LINGO2: variants seen among roughly 807,000 people sequenced by gnomAD.
LINGO2 encodes leucine-rich repeat and immunoglobulin-like domain-containing nogo receptor-interacting protein 2.
In LINGO2, 14 loss-of-function variants were observed where a neutral mutation model predicts 30.6. The ratio of observed to expected loss-of-function variants is 0.46; its 90% confidence interval spans 0.30 to 0.72. The LOEUF is 0.72. LINGO2 is among the 30% of genes least tolerant of loss of function. The pLI is 0.07. For missense variants in LINGO2, 729 were observed against 751.7 expected (o/e 0.97, Z 0.35); for synonymous variants, 317 against 288.5 (o/e 1.10, Z -1.00).
intron 1 of LINGO2, among the ~76,000 whole-genome samples, chr9:28,591,802 G>T (rs991716277): frequency 1.3e-5 from 2 of 151,924 alleles, no homozygotes; most frequent in Non-Finnish European, 2.9e-5. Flanking sequence ...CTTATTTGAT[G>T]CCTGGAGACT....
intron 5 of LINGO2, among the ~76,000 whole-genome samples, chr9:28,003,380 TAG>T (rs927413442): frequency 3.2e-4 from 44 of 139,668 alleles, no homozygotes; most frequent in Middle Eastern, 7.0e-3. Context: ...GATAGATAGA[TAG>T]ATATAGAGAG....
At chr9:28,039,921 T>C (rs1192027412) in intron 4 of LINGO2, among the ~76,000 whole-genome samples, 1 of 152,128 alleles carries the variant, frequency 6.6e-6, no homozygotes, top group Non-Finnish European at 1.5e-5. Flanking sequence ...ATCAGCTCCA[T>C]GGGGTCTTAG....
At chr9:28,779,878 ATC>A in the LINGO2 span, among the ~76,000 whole-genome samples, 3 of 152,012 alleles carry the variant, frequency 2.0e-5, no homozygotes, top group African/African-American at 7.2e-5. Flanking sequence ...TTTCACCTCT[ATC>A]TCTCTCCCTC....
chr9:28,941,683 C>A, the LINGO2 span, among the ~76,000 whole-genome samples: 1,741 of 152,104 alleles, frequency 0.011, 17 homozygotes, highest in Non-Finnish European at 0.018. Context: ...CACTCCCATA[C>A]CTTTTTAAAG....
chr9:28,637,428 T>A (rs188180890), intron 1 of LINGO2, among the ~76,000 whole-genome samples: 1 of 152,262 alleles, frequency 6.6e-6, no homozygotes, highest in Admixed American at 6.5e-5. Flanking sequence ...GCCATTTTCA[T>A]GATATTAATT....
the LINGO2 span, among the ~76,000 whole-genome samples, chr9:29,138,826 A>G: frequency 3.9e-5 from 6 of 152,186 alleles, no homozygotes; most frequent in African/African-American, 1.4e-4. Context: ...AATCCAAAAT[A>G]ACTAGACAAG....
the LINGO2 span, among the ~76,000 whole-genome samples, chr9:29,028,474 G>GAGAA: frequency 8.0e-3 from 1,210 of 151,124 alleles, 20 homozygotes; most frequent in African/African-American, 0.028. Context: ...GAGAGAGAGA[G>GAGAA]AAACTGATTA....
At chr9:28,055,531 G>T (rs1187215197) in intron 4 of LINGO2, among the ~76,000 whole-genome samples, 1 of 152,146 alleles carries the variant, frequency 6.6e-6, no homozygotes. Context: ...CTGTGGATTG[G>T]CTGTGACTTC....
At chr9:28,648,062 A>T (rs1155417) in intron 1 of LINGO2, among the ~76,000 whole-genome samples, 57,127 of 151,602 alleles carry the variant, frequency 0.38, 12,043 homozygotes, top group African/African-American at 0.55. Context: ...ACAGAATGAA[A>T]AGTATCCTGG....
the LINGO2 span, among the ~76,000 whole-genome samples, chr9:29,176,270 G>T: frequency 3.3e-5 from 5 of 152,132 alleles, no homozygotes; most frequent in Admixed American, 1.3e-4. Context: ...TCTCACTCTT[G>T]TTTTCCCCTG....
intron 4 of LINGO2, among the ~76,000 whole-genome samples, chr9:28,018,975 GCAGCAACATGAGT>G: frequency 6.6e-6 from 1 of 152,164 alleles, no homozygotes; most frequent in African/African-American, 2.4e-5. Context: ...CATGTCCTTT[GCAGCAACATGAGT>G]GGAGCTGGGG....
chr9:28,057,313 C>G (rs1467680150), intron 4 of LINGO2, among the ~76,000 whole-genome samples: 2 of 151,526 alleles, frequency 1.3e-5, no homozygotes, highest in African/African-American at 4.8e-5. Flanking sequence ...TTCTCAGAAC[C>G]CTGTTTATGA....
At chr9:28,936,495 T>A in the LINGO2 span, among the ~76,000 whole-genome samples, 1 of 152,182 alleles carries the variant, frequency 6.6e-6, no homozygotes, top group Non-Finnish European at 1.5e-5. Flanking sequence ...TCATTATCAC[T>A]TAATGGACAA....
chr9:29,044,048 G>T, the LINGO2 span, among the ~76,000 whole-genome samples: 1 of 151,960 alleles, frequency 6.6e-6, no homozygotes, highest in Non-Finnish European at 1.5e-5. Flanking sequence ...TTTCAATCCT[G>T]TATTTCCACT....
At chr9:29,117,234 C>T in the LINGO2 span, among the ~76,000 whole-genome samples, 1 of 152,014 alleles carries the variant, frequency 6.6e-6, no homozygotes, top group Non-Finnish European at 1.5e-5. Flanking sequence ...CAGGATAGGG[C>T]AGGGAAAAAC....
chr9:28,233,034 A>ATT, intron 4 of LINGO2, among the ~76,000 whole-genome samples: 1 of 93,702 alleles, frequency 1.1e-5, no homozygotes, highest in African/African-American at 5.3e-5. Flanking sequence ...TAAACATTAT[A>ATT]TATATATATA....
At chr9:28,364,072 T>C (rs1477689560) in intron 3 of LINGO2, among the ~76,000 whole-genome samples, 1 of 152,084 alleles carries the variant, frequency 6.6e-6, no homozygotes, top group Non-Finnish European at 1.5e-5. Context: ...AGGAGAAATA[T>C]CACCCTGGTT....
At chr9:28,959,612 T>TCTCTCTCACACACACACACA in the LINGO2 span, among the ~76,000 whole-genome samples, 1 of 132,160 alleles carries the variant, frequency 7.6e-6, no homozygotes, top group East Asian at 2.2e-4. Context: ...TCTCTCTCCC[T>TCTCTCTCACACACACACACA]CACACACACA....
intron 4 of LINGO2, among the ~76,000 whole-genome samples, chr9:28,132,941 G>T (rs1042623401): frequency 1.3e-5 from 2 of 152,182 alleles, no homozygotes; most frequent in African/African-American, 4.8e-5. Flanking sequence ...TCATCAAAAG[G>T]TAATGTCCAT....
Sources: gnomAD v4.1 joint callset for allele counts (sites outside exome capture counted in the v4.1 genomes callset) on GRCh38, gnomAD v4.1.1 for gene constraint, MANE v1.5 for transcripts, NCBI Gene and HGNC (gene_info 2026-07-23, HGNC 2026-07-21) for gene names.